MIA2: variants seen among roughly 807,000 people sequenced by gnomAD.
MIA2 encodes the protein MIA SH3 domain ER export factor 2.
MIA2 carries 127 observed loss-of-function variants against 167.8 expected under a neutral mutation model. The ratio of observed to expected loss-of-function variants is 0.76; its 90% CI spans 0.66 to 0.88. The LOEUF (loss-of-function observed/expected upper bound fraction) is 0.88. Among genes scored for constraint, MIA2 ranks in the 40% least tolerant of loss-of-function variants. The pLI, the probability that MIA2 is intolerant of heterozygous loss-of-function variation, is 0.00. For missense variants in MIA2, 1,690 were observed against 1,624.7 expected (o/e 1.04, Z -0.69); for synonymous variants, 552 against 541.9 (o/e 1.02, Z -0.26).
At position 39,253,125 on chromosome 14, in the gene MIA2, A is replaced by G. The variant is rs61732342; in HGVS notation, c.1841A>G (p.Asp614Gly). 1,085 of 1,607,626 alleles carry G rather than the reference A, an allele frequency of 6.7e-4. 5 individuals are homozygous for G. The African/African-American group carries it at 0.013, about 19-fold the overall frequency. The change falls in exon 6 of 29, where the codon GAT becomes GGT. Residue 614 changes from aspartate (D) to glycine (G), a missense_variant. Coordinates refer to ENST00000640607, the MANE Select transcript of MIA2 (RefSeq NM_001329214.4). ...LKYLFQIDVY[D>G]FMNSAFSPIV... is the part of the protein sequence containing the mutation. ...TACTTATTCCAAATTGATGTTTATG[A>G]TTTCATGAATTCTGCATTTTCACCA...
At position 39,388,215 on chromosome 14, in the gene MIA2, G is replaced by GTA. The variant is rs1225382974; in HGVS notation, c.*1264_*1265dup. 1 of 152,232 alleles carries GTA rather than the reference G, an allele frequency of 6.6e-6. No individual in the cohort carries two copies. The highest frequency in any genetic ancestry group is 1.5e-5 in the Non-Finnish European group (1 of 68,042). 9.4% of individuals were successfully genotyped at this position (152,232 alleles called of 1,614,324 possible). On this transcript the variant is annotated 3_prime_UTR_variant, in exon 24 of 24. Transcript: ENST00000341502. The surrounding 1 kb of genome is among the most constrained non-coding windows in gnomAD (Gnocchi z 4.1). ...GTCAATATACAAAGCTGTTGATAAA[G>GTA]TAAGGCATACCCATGTAGAGTATTT...
chr14:39,313,217 A>G, intron 18 of MIA2, 123 bp from the exon 19 acceptor site: 2 of 471,854 alleles, frequency 4.2e-6, no homozygotes, highest in South Asian at 4.0e-5. Flanking sequence ...CTTGTAGGTG[A>G]TGTTTTCAGT....
chr14:39,243,871 A>G (rs192396304), intron 3 of MIA2, among the ~76,000 whole-genome samples: 1 of 152,350 alleles, frequency 6.6e-6, no homozygotes, highest in Admixed American at 6.5e-5. Context: ...ATCTCAAAAA[A>G]CAAACAGAAA....
chr14:39,284,229 T>C (rs2059323051), intron 9 of MIA2, among the ~76,000 whole-genome samples: 1 of 152,208 alleles, frequency 6.6e-6, no homozygotes. Context: ...TTGATTTCTA[T>C]GTGTTGTATA....
chr14:39,306,585 C>A (rs1054208956), intron 17 of MIA2, among the ~76,000 whole-genome samples: 1 of 152,134 alleles, frequency 6.6e-6, no homozygotes. Flanking sequence ...TTGGGAATTA[C>A]AATTCAACAT....
At chr14:39,288,105 G>A (rs948542348) in intron 9 of MIA2, among the ~76,000 whole-genome samples, 6 of 152,050 alleles carry the variant, frequency 3.9e-5, no homozygotes, top group East Asian at 1.9e-4. Context: ...GATTACAGGC[G>A]TGAGCCACCA....
Position 39,348,774 on chromosome 14 carries a change from C to A in MIA2, c.3869C>A (p.Ala1290Asp), listed in dbSNP as rs1186602707. Residue 1290 changes from alanine to aspartate, a missense_variant, in exon 28 of 29, where the codon GCT (alanine) becomes GAT (aspartate). Coordinates refer to ENST00000640607, the MANE Select transcript of MIA2 (RefSeq NM_001329214.4). The stretch of plus-strand genomic sequence containing the variant: ...AATGTGCCTGATTCATCTCTCCCTG[C>A]TGAAAATGAAGCCACTGGCCCTGGC... ...NLNVPDSSLPAENEATGPGFV... is the reference protein window; with the variant it reads ...NLNVPDSSLPDENEATGPGFV... 6.2e-7 allele frequency: 1 copy of A among 1,613,924 alleles called. No individual in the cohort carries two copies. Among genetic ancestry groups the A allele is most frequent in the East Asian group, 2.2e-5 (1 of 44,886 alleles).
At chr14:39,370,644 C>A in intron 23 of MIA2, 1 of 310,866 alleles carries the variant, frequency 3.2e-6, no homozygotes, top group Non-Finnish European at 6.6e-6. Context: ...CTCTGCTGCC[C>A]GAGTCTGTCG....
chr14:39,359,698 C>G (rs1290706190), intron 23 of MIA2, among the ~76,000 whole-genome samples: 1 of 152,100 alleles, frequency 6.6e-6, no homozygotes, highest in African/African-American at 2.4e-5. Context: ...TGCCCCAGCC[C>G]CCTATACCAC....
chr14:39,287,807 C>T (rs924866331), intron 9 of MIA2, among the ~76,000 whole-genome samples: 16 of 151,034 alleles, frequency 1.1e-4, no homozygotes, highest in Admixed American at 2.6e-4. Flanking sequence ...ATGATCTGCC[C>T]GCCTCGGCCT....
intron 26 of MIA2, chr14:39,346,932 AT>A: frequency 3.1e-6 from 1 of 319,158 alleles, no homozygotes; most frequent in Admixed American, 3.4e-5. Context: ...TATTTTATTT[AT>A]TTTTTAATTA....
chr14:39,320,847 T>A (rs565626753), intron 23 of MIA2, 81 bp from the exon 24 acceptor site: 2 of 1,456,846 alleles, frequency 1.4e-6, no homozygotes, highest in Non-Finnish European at 1.9e-6. Context: ...GACCTGATGG[T>A]AATTGTCGAA....
At chr14:39,343,073 C>G (rs1405510463) in intron 25 of MIA2, among the ~76,000 whole-genome samples, 1 of 152,130 alleles carries the variant, frequency 6.6e-6, no homozygotes, top group Admixed American at 6.5e-5. Context: ...CCTTTTTGTA[C>G]ATATGTTCTT....
intron 25 of MIA2, among the ~76,000 whole-genome samples, chr14:39,328,058 A>G (rs963525592): frequency 6.6e-6 from 1 of 152,186 alleles, no homozygotes; most frequent in Non-Finnish European, 1.5e-5. Flanking sequence ...GTCTTCCACA[A>G]TGGTTGAACT....
intron 25 of MIA2, among the ~76,000 whole-genome samples, chr14:39,337,341 A>T (rs1456759537): frequency 6.6e-6 from 1 of 152,226 alleles, no homozygotes; most frequent in Admixed American, 6.5e-5. Context: ...ATAATTGGAG[A>T]CTTCAACACC....
At chr14:39,339,774 C>G (rs1050761195) in intron 25 of MIA2, among the ~76,000 whole-genome samples, 2 of 152,246 alleles carry the variant, frequency 1.3e-5, no homozygotes, top group African/African-American at 4.8e-5. Context: ...CCTAATGTGT[C>G]TAGTACAACT....
At chr14:39,319,134 A>G (rs1051757802) in intron 22 of MIA2, 75 bp from the exon 23 acceptor site, 3 of 688,968 alleles carry the variant, frequency 4.4e-6, no homozygotes, top group African/African-American at 3.6e-5. Flanking sequence ...AGCAGCTTGT[A>G]GTTGGTAGAG....
Position 39,326,737 on chromosome 14 carries a change from T to C in MIA2, c.3497-127T>C, listed in dbSNP as rs985655459. On this transcript the variant is annotated intron_variant, in intron 24 of 28. Transcript: ENST00000640607. ...GCATAGGAATCATAGCAATTTACTT[T>C]CTACACTGTTATTTTTCAGACTTTG... 5 of 719,660 alleles carry C rather than the reference T, an allele frequency of 6.9e-6. No homozygotes were observed. The East Asian group carries it at 1.4e-4, about 21-fold the overall frequency. The allele number at this position is 719,660 out of a possible 1,614,324, so 44.6% of individuals were successfully genotyped here. A position where few individuals can be genotyped will look rare whatever the true frequency, so the allele number is the denominator to read the frequency against.
chr14:39,382,953 G>GTTTTTTTTTTT (rs10689511), intron 23 of MIA2, among the ~76,000 whole-genome samples: 1 of 75,042 alleles, frequency 1.3e-5, no homozygotes, highest in Non-Finnish European at 2.5e-5. Flanking sequence ...TATGGCCACA[G>GTTTTTTTTTTT]TTTTTTTTTT....
Sources: gnomAD v4.1 joint callset for allele counts (sites outside exome capture counted in the v4.1 genomes callset) on GRCh38, gnomAD v4.1.1 for gene constraint, Gnocchi (gnomAD v3.1) non-coding constraint, MANE v1.5 for transcripts, NCBI Gene and HGNC (gene_info 2026-07-23, HGNC 2026-07-21) for gene names.